Variants in UBE2W observed in about 807,000 individuals in gnomAD.
UBE2W encodes ubiquitin-conjugating enzyme E2 W.
In UBE2W, 18 loss-of-function variants were observed where a neutral mutation model predicts 27.2. The ratio of observed to expected loss-of-function variants is 0.66; its 90% CI spans 0.46 to 0.98. The LOEUF (loss-of-function observed/expected upper bound fraction) is 0.98, where lower values mean the gene tolerates loss of function less well. Among genes scored for constraint, UBE2W ranks in the 50% least tolerant of loss-of-function variants. UBE2W has a pLI of 0.00. For synonymous variants in UBE2W, 53 were observed against 57.2 expected (o/e 0.93, Z 0.33); for missense variants, 90 against 180.2 (o/e 0.50, Z 2.87).
Position 73,793,487 on chromosome 8 carries a change from G to A in UBE2W, c.*615C>T. On this transcript the variant is annotated 3_prime_UTR_variant, in exon 6 of 6. Coordinates refer to ENST00000602593, the MANE Select transcript of UBE2W (RefSeq NM_018299.6). ...TCCATGTCAAAACAACTTGACAGTAGATATAAACAATTCAATAAATATGCA... is the reference window on the plus strand; with the variant it reads ...TCCATGTCAAAACAACTTGACAGTAAATATAAACAATTCAATAAATATGCA... 1.0e-6 allele frequency: 1 copy of A among 985,580 alleles called. No individual in the cohort carries two copies. Among genetic ancestry groups the A allele is most frequent in the Non-Finnish European group, 1.2e-6 (1 of 829,686 alleles). 61.1% of individuals were successfully genotyped at this position (985,580 alleles called of 1,614,324 possible).
intron 5 of UBE2W, 55 bp from the exon 6 acceptor site, chr8:73,794,170 T>C: frequency 2.5e-6 from 4 of 1,585,756 alleles, no homozygotes; most frequent in Non-Finnish European, 3.4e-6. Context: ...ATAAGTAAAT[T>C]CTACAAGTCT....
intron 4 of UBE2W, among the ~76,000 whole-genome samples, chr8:73,806,541 CAA>C (rs58380487): frequency 0.1 from 6,927 of 68,432 alleles, 553 homozygotes; most frequent in African/African-American, 0.23. Context: ...GCTAAAAATA[CAA>C]AAAAAAAAAA....
chr8:73,872,972 G>A (rs549477085), intron 1 of UBE2W, among the ~76,000 whole-genome samples: 12 of 146,136 alleles, frequency 8.2e-5, no homozygotes, highest in South Asian at 2.1e-4. Context: ...CATGATCTCC[G>A]CTCACTGCAA....
chr8:73,794,627 C>T (rs571937386), intron 5 of UBE2W, among the ~76,000 whole-genome samples: 1 of 152,168 alleles, frequency 6.6e-6, no homozygotes, highest in South Asian at 2.1e-4. Context: ...TCAGGCCGGA[C>T]ACGGTGGCTC....
Position 73,786,528 on chromosome 8 carries a change from A to G in UBE2W, c.*7574T>C. The G allele has an allele frequency of 1.0e-6, 1 of 985,500 alleles. No homozygotes were observed. Among genetic ancestry groups the G allele is most frequent in the African/African-American group, 1.7e-5 (1 of 57,394 alleles). 61.0% of individuals were successfully genotyped at this position (985,500 alleles called of 1,614,324 possible). A position where few individuals can be genotyped will look rare whatever the true frequency, so the allele number is the denominator to read the frequency against. ...AAAAAGTTCAGGATAGATGACTGGT[A>G]GGGAGAGAAGAAAGGACAAGGATGA... On this transcript the variant is annotated 3_prime_UTR_variant, in exon 6 of 6. Transcript: ENST00000602593.
intron 1 of UBE2W, among the ~76,000 whole-genome samples, chr8:73,846,993 C>T (rs950843415): frequency 1.9e-4 from 29 of 152,174 alleles, no homozygotes; most frequent in Admixed American, 6.5e-4. Context: ...GCTAACAAAA[C>T]CCCATTTCTA....
At chr8:73,846,291 G>A (rs1810794626) in intron 1 of UBE2W, among the ~76,000 whole-genome samples, 1 of 152,184 alleles carries the variant, frequency 6.6e-6, no homozygotes, top group Non-Finnish European at 1.5e-5. Context: ...AGCTACTCAG[G>A]AGGCTGAGGC....
chr8:73,846,343 T>TA (rs1810797561), intron 1 of UBE2W, among the ~76,000 whole-genome samples: 1 of 151,734 alleles, frequency 6.6e-6, no homozygotes. Flanking sequence ...TCGCAGTGAG[T>TA]CAATATTGCA....
intron 3 of UBE2W, 68 bp downstream of exon 3, chr8:73,825,079 G>A (rs1305824863): frequency 2.1e-5 from 20 of 932,982 alleles, no homozygotes; most frequent in East Asian, 5.3e-5. Context: ...TGTTTTTACT[G>A]AGTCAAACAT....
intron 1 of UBE2W, among the ~76,000 whole-genome samples, chr8:73,840,125 C>T (rs753888388): frequency 2.0e-5 from 3 of 151,986 alleles, no homozygotes; most frequent in African/African-American, 7.3e-5. Context: ...GGTGCGATCT[C>T]GGCTCACTGC....
chr8:73,814,071 T>C (rs1809287663), intron 3 of UBE2W, among the ~76,000 whole-genome samples: 1 of 152,166 alleles, frequency 6.6e-6, no homozygotes, highest in African/African-American at 2.4e-5. Flanking sequence ...AATCTGGTTC[T>C]CTGCATGGGG....
intron 5 of UBE2W, among the ~76,000 whole-genome samples, 179 bp downstream of exon 5, chr8:73,805,472 C>CAAAAAAAAAAACAAAAAAAAAAAAAAA: frequency 4.6e-5 from 2 of 43,696 alleles, no homozygotes; most frequent in African/African-American, 6.0e-5. Context: ...AAAAAAAAAA[C>CAAAAAAAAAAACAAAAAAAAAAAAAAA]AAAAAAAACT....
intron 1 of UBE2W, among the ~76,000 whole-genome samples, chr8:73,865,753 T>C (rs185991758): frequency 1.8e-4 from 28 of 152,340 alleles, no homozygotes; most frequent in African/African-American, 6.5e-4. Flanking sequence ...CCTTAATATA[T>C]ATATGTTCCT....
intron 3 of UBE2W, among the ~76,000 whole-genome samples, chr8:73,823,587 G>A (rs571842541): frequency 6.6e-6 from 1 of 152,322 alleles, no homozygotes; most frequent in African/African-American, 2.4e-5. Context: ...ATGCTGGCCA[G>A]CCAGAAAGCA....
At chr8:73,803,008 CA>C (rs1051014448) in intron 5 of UBE2W, among the ~76,000 whole-genome samples, 4 of 149,724 alleles carry the variant, frequency 2.7e-5, no homozygotes, top group Non-Finnish European at 4.4e-5. Context: ...TGGGCGACAG[CA>C]AGACTCCGTC....
At chr8:73,783,313 C>T (rs1807875463), downstream of UBE2W, among the ~76,000 whole-genome samples, 1 of 152,122 alleles carries the variant, frequency 6.6e-6, no homozygotes, top group Non-Finnish European at 1.5e-5. Context: ...CAGATTTTCT[C>T]CTTTTTGAAG....
At chr8:73,785,783 A>G (rs558338936), downstream of UBE2W, among the ~76,000 whole-genome samples, 69 of 151,054 alleles carry the variant, frequency 4.6e-4, no homozygotes, top group African/African-American at 1.4e-3. Context: ...ACGGGGTTTC[A>G]CCATGTTGGC....
rs1808181390 is a variant in UBE2W at position 73,791,281 on chromosome 8, A to G, written c.*2821T>C. 8.1e-6 allele frequency: 8 copies of G among 982,650 alleles called. No individual in the cohort carries two copies. Among genetic ancestry groups the G allele is most frequent in the Non-Finnish European group, 9.7e-6 (8 of 828,866 alleles). 60.9% of individuals were successfully genotyped at this position (982,650 alleles called of 1,614,324 possible). ...ACTTGACCAAAGAAAAAAAAAAAAA[A>G]GAAGGGCATCATGTTCATGATCTAA... On this transcript the variant is annotated 3_prime_UTR_variant, in exon 6 of 6. Coordinates refer to ENST00000602593, the MANE Select transcript of UBE2W (RefSeq NM_018299.6).
Position 73,787,878 on chromosome 8 carries a change from T to A in UBE2W, c.*6224A>T, listed in dbSNP as rs1369240509. 1.0e-5 allele frequency: 10 copies of A among 985,292 alleles called. No individual in the cohort carries two copies. The highest frequency in any genetic ancestry group is 1.2e-5 in the Non-Finnish European group (10 of 829,928). The allele number at this position is 985,292 out of a possible 1,614,324, so 61.0% of individuals were successfully genotyped here. ...TTCCATCTTCACTGAAAACACTCAG[T>A]CTTTAGTTGGGACTTATTAAAACAC... On this transcript the variant is annotated 3_prime_UTR_variant, in exon 6 of 6. Coordinates refer to ENST00000602593, the MANE Select transcript of UBE2W (RefSeq NM_018299.6).
Sources: allele counts gnomAD v4.1 joint callset (sites outside exome capture counted in the v4.1 genomes callset), GRCh38; gene constraint gnomAD v4.1.1; transcripts MANE v1.5; gene names NCBI Gene and HGNC (gene_info 2026-07-23, HGNC 2026-07-21).